INPP4B: variants seen among roughly 807,000 people sequenced by gnomAD.
INPP4B encodes the protein inositol polyphosphate 4-phosphatase type II.
A neutral mutation model predicts 122.5 loss-of-function variants in INPP4B; 55 were observed. The observed-to-expected ratio is 0.45, with a 90% CI of 0.36 to 0.56. The LOEUF (loss-of-function observed/expected upper bound fraction) is 0.56, where lower values mean the gene tolerates loss of function less well. INPP4B is among the 20% of genes least tolerant of loss of function. INPP4B has a pLI of 0.00. For missense variants in INPP4B, 1,000 were observed against 1,097.7 expected, an observed-to-expected ratio of 0.91 and a Z score of 1.26; for synonymous variants, 403 against 388.7, an observed-to-expected ratio of 1.04 and a Z score of -0.43.
At chr4:142,088,141 C>T (rs1185386799) in intron 23 of INPP4B, among the ~76,000 whole-genome samples, 1 of 152,120 alleles carries the variant, frequency 6.6e-6, no homozygotes, top group Non-Finnish European at 1.5e-5. Flanking sequence ...GGAATTTTAA[C>T]AGGACACAGC....
chr4:142,645,237 G>T (rs967915628), intron 2 of INPP4B, among the ~76,000 whole-genome samples: 45 of 152,082 alleles, frequency 3.0e-4, no homozygotes, highest in African/African-American at 1.0e-3. Context: ...TTTAATAAAA[G>T]AAATGCTCTA....
rs142698148 is a variant in INPP4B, at chr4:142,492,679, G to A, written c.-190-29953C>T. ...CTTTGAACTTGAGAGAGATAATTTA[G>A]GGTATCTAAGGAAGAAATTTCTAAG... is the stretch of plus-strand genomic sequence containing the variant. On this transcript the variant is annotated intron_variant, in intron 2 of 25. Coordinates refer to ENST00000262992, the MANE Select transcript of INPP4B (RefSeq NM_001101669.3). Among the ~76,000 whole-genome samples the A allele has an allele frequency of 3.8e-3, 582 of 152,164 alleles. 4 individuals carry two copies. Among genetic ancestry groups the A allele is most frequent in the African/African-American group, 0.013 (541 of 41,524 alleles).
At chr4:142,029,938 C>A (rs374997330) in intron 25 of INPP4B, 1 of 1,286,734 alleles carries the variant, frequency 7.8e-7, no homozygotes, top group African/African-American at 1.5e-5. Context: ...TTTCCATGAA[C>A]AAAAGAGCAA....
At chr4:142,105,435 C>G (rs1243076061) in intron 23 of INPP4B, among the ~76,000 whole-genome samples, 2 of 152,044 alleles carry the variant, frequency 1.3e-5, no homozygotes, top group Non-Finnish European at 2.9e-5. Context: ...TGAATTGTGA[C>G]TATAAACTAA....
intron 15 of INPP4B, among the ~76,000 whole-genome samples, chr4:142,176,124 ATTAT>A (rs1347525378): frequency 4.8e-5 from 7 of 144,484 alleles, no homozygotes; most frequent in Non-Finnish European, 9.1e-5. Flanking sequence ...TTCTTTTATT[ATTAT>A]TATTATTATT....
chr4:142,247,194 G>T (rs1332878405), intron 11 of INPP4B, among the ~76,000 whole-genome samples: 1 of 152,136 alleles, frequency 6.6e-6, no homozygotes, highest in Non-Finnish European at 1.5e-5. Flanking sequence ...GATTCAGTTT[G>T]CCAGCATTTT....
At chr4:142,388,553 G>A (rs988970015) in intron 7 of INPP4B, among the ~76,000 whole-genome samples, 5 of 152,092 alleles carry the variant, frequency 3.3e-5, no homozygotes, top group African/African-American at 1.2e-4. Context: ...TTTCCTCATG[G>A]AACCCTAGGA....
chr4:142,199,425 T>C (rs1353091141), intron 14 of INPP4B, among the ~76,000 whole-genome samples: 1 of 152,056 alleles, frequency 6.6e-6, no homozygotes, highest in African/African-American at 2.4e-5. Context: ...TTCTGGATTA[T>C]AGTTTATAAA....
chr4:142,056,090 A>T (rs1757544676), intron 25 of INPP4B, among the ~76,000 whole-genome samples: 1 of 151,924 alleles, frequency 6.6e-6, no homozygotes, highest in Non-Finnish European at 1.5e-5. Context: ...TCCTATGAGA[A>T]TCGAACGTCT....
intron 2 of INPP4B, among the ~76,000 whole-genome samples, chr4:142,465,283 C>T (rs1817560745): frequency 6.6e-6 from 1 of 152,100 alleles, no homozygotes; most frequent in Non-Finnish European, 1.5e-5. Context: ...TACTTGTCAG[C>T]TCCCATCATG....
intron 11 of INPP4B, among the ~76,000 whole-genome samples, chr4:142,253,867 C>G (rs1001513105): frequency 2.6e-5 from 4 of 152,156 alleles, no homozygotes; most frequent in Non-Finnish European, 5.9e-5. Flanking sequence ...CTCAAGGAGG[C>G]CTGCCTGCCT....
intron 2 of INPP4B, among the ~76,000 whole-genome samples, chr4:142,661,443 G>A (rs1031167202): frequency 5.3e-5 from 8 of 152,144 alleles, no homozygotes; most frequent in Non-Finnish European, 1.2e-4. Context: ...ATATTAAATA[G>A]GTTCCTGATA....
At chr4:142,390,621 C>T (rs1483144272) in intron 7 of INPP4B, among the ~76,000 whole-genome samples, 3 of 152,106 alleles carry the variant, frequency 2.0e-5, no homozygotes, top group African/African-American at 7.2e-5. Context: ...GGGGAGCATT[C>T]TCAAAATAAA....
chr4:142,371,355 T>C (rs755989734), intron 7 of INPP4B, among the ~76,000 whole-genome samples: 11 of 152,214 alleles, frequency 7.2e-5, no homozygotes, highest in Admixed American at 2.0e-4. Context: ...CTTCTGGACA[T>C]TGGTCTAGGA....
At chr4:142,529,065 G>A (rs542701562) in intron 2 of INPP4B, among the ~76,000 whole-genome samples, 17 of 151,972 alleles carry the variant, frequency 1.1e-4, no homozygotes, top group East Asian at 1.9e-4. Context: ...TTTCGATGTC[G>A]CAAAATGAAA....
At chr4:142,420,663 C>T (rs774011744) in intron 5 of INPP4B, among the ~76,000 whole-genome samples, 14 of 152,054 alleles carry the variant, frequency 9.2e-5, no homozygotes, top group Non-Finnish European at 2.1e-4. Context: ...AGAACATGGC[C>T]TTTGGAATTA....
At chr4:142,806,511 G>T (rs998573979) in intron 1 of INPP4B, among the ~76,000 whole-genome samples, 1 of 151,920 alleles carries the variant, frequency 6.6e-6, no homozygotes, top group East Asian at 2.0e-4. Context: ...GGAGGCCAAG[G>T]GGGGTGAATC....
At chr4:142,749,908 A>AATAGATGAAAT (rs1410904691) in intron 1 of INPP4B, among the ~76,000 whole-genome samples, 1 of 152,068 alleles carries the variant, frequency 6.6e-6, no homozygotes, top group Non-Finnish European at 1.5e-5. Flanking sequence ...AATCAGAGCC[A>AATAGATGAAAT]CACAATAATA....
chr4:142,745,945 A>C (rs331953), intron 1 of INPP4B, among the ~76,000 whole-genome samples: 42,449 of 151,736 alleles, frequency 0.28, 6,108 homozygotes, highest in South Asian at 0.41. Context: ...ACTGATCAAG[A>C]TAGAGGGAGA....
Sources: gnomAD v4.1 joint callset for allele counts (sites outside exome capture counted in the v4.1 genomes callset) on GRCh38, gnomAD v4.1.1 for gene constraint, MANE v1.5 for transcripts, NCBI Gene and HGNC (gene_info 2026-07-23, HGNC 2026-07-21) for gene names.